The following DEPDC5 variants were observed in gnomAD, a reference collection of about 807,000 sequenced individuals.
DEPDC5 encodes the protein GATOR1 complex protein DEPDC5.
Under a neutral mutation model 217.3 loss-of-function variants are expected in DEPDC5, and 73 were observed. The ratio of observed to expected loss-of-function variants is 0.34; its 90% CI spans 0.28 to 0.41. The LOEUF (loss-of-function observed/expected upper bound fraction) is 0.41, where lower values mean the gene tolerates loss of function less well. DEPDC5 is among the 10% of genes least tolerant of loss of function. The pLI, the probability that DEPDC5 is intolerant of heterozygous loss-of-function variation, is 1.00. For missense variants in DEPDC5, 1,675 were observed against 2,070.1 expected (o/e 0.81, Z 3.70); for synonymous variants, 733 against 756.7 (o/e 0.97, Z 0.51).
At chr22:31,843,591 C>T (rs1167319513) in intron 28 of DEPDC5, 54 bp from the exon 29 acceptor site, 4 of 1,556,000 alleles carry the variant, frequency 2.6e-6, no homozygotes, top group Non-Finnish European at 3.5e-6. Flanking sequence ...TAAGAATTGG[C>T]AGGAATTTGT....
Position 31,901,730 on chromosome 22 carries a change from T to C in DEPDC5, c.4376-12T>C, listed in dbSNP as rs1210083116. 3 of 1,608,518 alleles carry C rather than the reference T, an allele frequency of 1.9e-6. No individual in the cohort carries two copies. The highest frequency in any genetic ancestry group is 2.5e-6 in the Non-Finnish European group (3 of 1,177,066). On this transcript the variant is annotated splice_polypyrimidine_tract_variant and intron_variant, in intron 40 of 42. Coordinates refer to ENST00000651528, the MANE Select transcript of DEPDC5 (RefSeq NM_001242896.3). ...GATCACAACCCAATATTTATTCTTA[T>C]TTTCCTTTCAGGCTTTGAACCCGAA...
At chr22:31,839,192 C>A (rs1319499460) in intron 27 of DEPDC5, among the ~76,000 whole-genome samples, 2 of 152,180 alleles carry the variant, frequency 1.3e-5, no homozygotes, top group Non-Finnish European at 2.9e-5. Flanking sequence ...CAGTACCTGG[C>A]ACACAGCAGA....
chr22:31,800,703 A>G (rs2086776211), intron 14 of DEPDC5, among the ~76,000 whole-genome samples: 1 of 152,156 alleles, frequency 6.6e-6, no homozygotes, highest in Admixed American at 6.6e-5. Context: ...ATAGCCAGGT[A>G]TGGTGGCTCA....
Position 31,837,293 on chromosome 22 carries a change from A to G in DEPDC5, c.2354+138A>G, listed in dbSNP as rs562912097. The G allele has an allele frequency of 6.3e-4, 504 of 795,062 alleles. 3 individuals are homozygous for G. Among genetic ancestry groups the G allele is most frequent in the Admixed American group, 1.2e-3 (37 of 29,916 alleles). 49.3% of individuals were successfully genotyped at this position (795,062 alleles called of 1,614,324 possible). ...TTGGAACGATATAGAGGAGATTAGC[A>G]TGGCCGTTAAATAAAAAATTTTAAA... On this transcript the variant is annotated intron_variant, in intron 26 of 42. Coordinates refer to ENST00000651528, the MANE Select transcript of DEPDC5 (RefSeq NM_001242896.3).
At chr22:31,876,592 C>T (rs2092997730) in intron 37 of DEPDC5, among the ~76,000 whole-genome samples, 1 of 152,030 alleles carries the variant, frequency 6.6e-6, no homozygotes, top group Admixed American at 6.6e-5. Flanking sequence ...GCCCACCCAG[C>T]CCAGGTGGTT....
intron 31 of DEPDC5, among the ~76,000 whole-genome samples, chr22:31,854,743 C>T (rs2092201246): frequency 6.6e-6 from 1 of 152,122 alleles, no homozygotes; most frequent in African/African-American, 2.4e-5. Context: ...GATGTAACTT[C>T]TGCTTCTCAG....
At chr22:31,877,541 G>A (rs529760772) in intron 37 of DEPDC5, among the ~76,000 whole-genome samples, 2 of 147,444 alleles carry the variant, frequency 1.4e-5, no homozygotes, top group South Asian at 4.3e-4. Context: ...CACAAGGTCA[G>A]GAGTTGGAGA....
Position 31,906,148 on chromosome 22 carries a change from G to A in DEPDC5, c.4520-57G>A. On this transcript the variant is annotated intron_variant, in intron 42 of 42. Coordinates refer to ENST00000651528, the MANE Select transcript of DEPDC5 (RefSeq NM_001242896.3). This position sits in a 1 kb window ranked among gnomAD's most constrained non-coding sequence, Gnocchi z 5.1. ...AGCCTATGGCTGCAGAACCACCTCA[G>A]CAGGCTCCAGGAGCCCTCCTGGTGG... The A allele has an allele frequency of 6.2e-7, 1 of 1,613,174 alleles. No homozygotes were observed. The highest frequency in any genetic ancestry group is 8.5e-7 in the Non-Finnish European group (1 of 1,179,524).
At chr22:31,810,203 A>G (rs550135705) in intron 19 of DEPDC5, among the ~76,000 whole-genome samples, 1 of 152,316 alleles carries the variant, frequency 6.6e-6, no homozygotes, top group East Asian at 1.9e-4. Context: ...ACTACTAAAC[A>G]TATTAAGATG....
At chr22:31,799,649 G>T (rs1453451782) in intron 14 of DEPDC5, among the ~76,000 whole-genome samples, 1 of 148,844 alleles carries the variant, frequency 6.7e-6, no homozygotes, top group Non-Finnish European at 1.5e-5. Context: ...CTACAGGTGT[G>T]CACCACCATG....
chr22:31,897,777 A>G, intron 40 of DEPDC5, 124 bp downstream of exon 40: 1 of 1,151,994 alleles, frequency 8.7e-7, no homozygotes. Context: ...ACAAGGGGCC[A>G]AAAGGATCAA....
In DEPDC5 at chr22:31,792,062, G is replaced by T. The variant is rs1322052427; in HGVS notation, c.654G>T (p.Val218=). ...AGAACTGTAGTCATGAAGTGACAGT[G>T]GTCCTGTTTTCTAGAACTTTCTATG... ...KEKNCSHEVT[V]VLFSRTFYDA... Residue 218 remains valine (V), a synonymous_variant, in exon 11 of 43, where the codon GTG becomes GTT. Transcript: ENST00000651528. 6.2e-7 allele frequency: 1 copy of T among 1,612,900 alleles called. No homozygotes were observed. Among genetic ancestry groups the T allele is most frequent in the African/African-American group, 1.3e-5 (1 of 74,942 alleles).
chr22:31,878,996 C>T (rs2093084862), intron 37 of DEPDC5, among the ~76,000 whole-genome samples: 1 of 142,948 alleles, frequency 7.0e-6, no homozygotes, highest in Non-Finnish European at 1.5e-5. Flanking sequence ...CATCGCACCA[C>T]TCCAGCCTGG....
Position 31,791,756 on chromosome 22 carries a change from A to G in DEPDC5, c.625-277A>G, listed in dbSNP as rs552943882. Among the ~76,000 whole-genome samples the G allele has an allele frequency of 3.7e-3, 555 of 151,500 alleles. 3 individuals are homozygous for G. The highest frequency in any genetic ancestry group is 0.013 in the African/African-American group (518 of 41,314). ...ATCTTGGCCAACATGGTGAAACCGC[A>G]TCTCTACTAAAAATACAAAAATTAG... On this transcript the variant is annotated intron_variant, in intron 10 of 42. Transcript: ENST00000651528.
chr22:31,852,694 T>G (rs894120925), intron 31 of DEPDC5, among the ~76,000 whole-genome samples: 1 of 152,236 alleles, frequency 6.6e-6, no homozygotes, highest in Non-Finnish European at 1.5e-5. Context: ...CTGTAATATT[T>G]CAGAATGTAC....
intron 23 of DEPDC5, among the ~76,000 whole-genome samples, 193 bp from the exon 24 acceptor site, chr22:31,822,500 C>G (rs986709022): frequency 6.6e-6 from 1 of 152,088 alleles, no homozygotes; most frequent in Non-Finnish European, 1.5e-5. Flanking sequence ...CACAAGGAGC[C>G]GGCACTGACA....
intron 12 of DEPDC5, among the ~76,000 whole-genome samples, chr22:31,793,634 A>G (rs542915371): frequency 2.0e-4 from 31 of 152,092 alleles, no homozygotes; most frequent in Non-Finnish European, 4.0e-4. Context: ...TGCAGTGGTC[A>G]TGTAAGCTGA....
chr22:31,857,301 A>C, intron 31 of DEPDC5, 144 bp from the exon 32 acceptor site: 1 of 626,180 alleles, frequency 1.6e-6, no homozygotes, highest in South Asian at 2.0e-5. Flanking sequence ...AATTAAGGGT[A>C]TCATGAAGGT....
chr22:31,870,701 A>G lies in DEPDC5; in HGVS notation c.3442A>G (p.Ile1148Val), dbSNP rs1424728908. Residue 1148 changes from isoleucine (I) to valine (V), a missense_variant, in exon 34 of 43, where the codon ATA becomes GTA. By Grantham distance (29) the Ile-to-Val change is conservative (BLOSUM62 3). Around this residue, in one of 11 missense-constraint regions of DEPDC5, gnomAD observed 9 missense variants for 25.7 expected, o/e 0.35. Transcript: ENST00000651528. ...CCAGACCTTTGGGAACTCCCAGAAC[A>G]TAGGAGAACAGGGCTACTCCTCCAC... ...NSQTFGNSQNIGEQGYSSTNS... is the reference protein window; with the variant it reads ...NSQTFGNSQNVGEQGYSSTNS... 3.7e-6 allele frequency: 6 copies of G among 1,600,706 alleles called. No homozygotes were observed. Among genetic ancestry groups the G allele is most frequent in the East Asian group, 2.3e-5 (1 of 43,548 alleles).
Sources: allele counts gnomAD v4.1 joint callset (sites outside exome capture counted in the v4.1 genomes callset), GRCh38; gene constraint gnomAD v4.1.1; regional missense constraint gnomAD v4.1.1; non-coding constraint Gnocchi (gnomAD v3.1); transcripts MANE v1.5; gene names NCBI Gene and HGNC (gene_info 2026-07-23, HGNC 2026-07-21).